Variants in AMTN observed in about 807,000 individuals in gnomAD.
AMTN encodes amelotin.
AMTN carries 29 observed loss-of-function variants against 27.4 expected under a neutral mutation model. The ratio of observed to expected loss-of-function variants is 1.06; its 90% confidence interval spans 0.79 to 1.44. The LOEUF is 1.44. Ranked by LOEUF, AMTN falls within the 40% of genes most tolerant of loss-of-function variation. AMTN has a pLI of 0.00. For missense variants in AMTN, 247 were observed against 248.8 expected (o/e 0.99, Z 0.05); for synonymous variants, 86 against 95.7 (o/e 0.90, Z 0.59).
chr4:70,528,630 A>G (rs1185733209), intron 5 of AMTN, 93 bp from the exon 6 acceptor site: 1 of 1,126,620 alleles, frequency 8.9e-7, no homozygotes, highest in Non-Finnish European at 1.3e-6. Flanking sequence ...AGCCTGGGCA[A>G]CAGAGCAAGA....
chr4:70,531,480 C>T (rs910967150), intron 8 of AMTN, among the ~76,000 whole-genome samples, 180 bp downstream of exon 8: 1 of 152,126 alleles, frequency 6.6e-6, no homozygotes, highest in Non-Finnish European at 1.5e-5. Context: ...CCACCAACCC[C>T]CAGGTATTAA....
chr4:70,528,270 C>T (rs1736140193), intron 5 of AMTN, among the ~76,000 whole-genome samples: 1 of 152,088 alleles, frequency 6.6e-6, no homozygotes, highest in African/African-American at 2.4e-5. Context: ...GTTCCAAACT[C>T]CCATCCAGAT....
chr4:70,525,310 G>A (rs1736078637), intron 5 of AMTN, among the ~76,000 whole-genome samples: 1 of 152,092 alleles, frequency 6.6e-6, no homozygotes. Flanking sequence ...AGACTTTCTT[G>A]GTGACCAAGA....
chr4:70,520,224 GC>G (rs1485772812), intron 2 of AMTN, among the ~76,000 whole-genome samples: 1 of 152,172 alleles, frequency 6.6e-6, no homozygotes, highest in Non-Finnish European at 1.5e-5. Context: ...GACAATGAGA[GC>G]AGCTAGAGAG....
At chr4:70,530,450 C>T (rs1251947381) in intron 7 of AMTN, among the ~76,000 whole-genome samples, 1 of 152,180 alleles carries the variant, frequency 6.6e-6, no homozygotes, top group East Asian at 1.9e-4. Flanking sequence ...TTAAATGTAA[C>T]ACAGTGTTTC....
At chr4:70,524,271 T>C (rs1736046679) in intron 4 of AMTN, among the ~76,000 whole-genome samples, 1 of 152,166 alleles carries the variant, frequency 6.6e-6, no homozygotes, top group African/African-American at 2.4e-5. Flanking sequence ...TCACTGCTAT[T>C]ATCACCCACA....
At position 70,518,665 on chromosome 4, in the gene AMTN, T is replaced by A; in HGVS notation, c.-16+11T>A. ...CTCGTGGACCCAAAGGTAACATTAA[T>A]TGACCATGTTTCAAGTAGAACTTTT... On this transcript the variant is annotated intron_variant, in intron 1 of 8. Transcript: ENST00000339336. 2 of 842,466 alleles carry A rather than the reference T, an allele frequency of 2.4e-6. No individual in the cohort carries two copies. Among genetic ancestry groups the A allele is most frequent in the Non-Finnish European group, 3.9e-6 (2 of 509,116 alleles). The allele number at this position is 842,466 out of a possible 1,614,324, so 52.2% of individuals were successfully genotyped here.
chr4:70,524,344 G>C (rs896400989), intron 4 of AMTN, among the ~76,000 whole-genome samples: 4 of 152,184 alleles, frequency 2.6e-5, no homozygotes, highest in Non-Finnish European at 4.4e-5. Context: ...TATCTGTATA[G>C]ATCTTCAGCC....
rs771519994 is a variant in AMTN, at chr4:70,518,810, A to G, written c.33A>G (p.Leu11=). The change falls in exon 2 of 9, where the codon CTA becomes CTG. Residue 11 remains leucine (L), a synonymous_variant. Coordinates refer to ENST00000339336, the MANE Select transcript of AMTN (RefSeq NM_212557.4). MRSTILLFCL[L]GSTRSLPQLK... Reference sequence around the variant, plus strand: ...GTACGATTCTACTGTTTTGTCTTCTAGGATCAACTCGGTCATTACCAGTAA... The same window carrying G: ...GTACGATTCTACTGTTTTGTCTTCTGGGATCAACTCGGTCATTACCAGTAA... The G allele has an allele frequency of 2.5e-6, 4 of 1,609,966 alleles. No homozygotes were observed. The African/African-American group carries it at 5.3e-5, about 21-fold the overall frequency.
At chr4:70,530,068 G>A (rs1403026769) in intron 7 of AMTN, among the ~76,000 whole-genome samples, 1 of 152,126 alleles carries the variant, frequency 6.6e-6, no homozygotes, top group Admixed American at 6.6e-5. Context: ...AGAAACTGAG[G>A]TTAAAAGTTT....
At chr4:70,526,593 A>T (rs1736103778) in intron 5 of AMTN, among the ~76,000 whole-genome samples, 1 of 152,202 alleles carries the variant, frequency 6.6e-6, no homozygotes, top group Non-Finnish European at 1.5e-5. Flanking sequence ...AGATGCAAAT[A>T]AAAAGAGACT....
chr4:70,521,338 C>T (rs1026495258), intron 2 of AMTN, among the ~76,000 whole-genome samples: 6 of 147,052 alleles, frequency 4.1e-5, no homozygotes. Context: ...CAAGATCACT[C>T]CATTGCACTC....
chr4:70,519,905 A>G (rs1230166072), intron 2 of AMTN, among the ~76,000 whole-genome samples: 1 of 144,280 alleles, frequency 6.9e-6, no homozygotes, highest in Non-Finnish European at 1.5e-5. Flanking sequence ...CCAAATACAT[A>G]CTACATACGT....
At chr4:70,531,610 T>C (rs1736226274) in intron 8 of AMTN, among the ~76,000 whole-genome samples, 1 of 152,076 alleles carries the variant, frequency 6.6e-6, no homozygotes, top group Non-Finnish European at 1.5e-5. Context: ...TCTCCTAGGT[T>C]CAAGCGATTC....
At position 70,524,880 on chromosome 4, in the gene AMTN, T is replaced by C. The variant is rs138093834; in HGVS notation, c.213T>C (p.Pro71=). 5 of 1,614,026 alleles carry C rather than the reference T, an allele frequency of 3.1e-6. No individual in the cohort carries two copies. The African/African-American group carries it at 5.3e-5, about 17-fold the overall frequency. The change falls in exon 5 of 9, where the codon CCT becomes CCC. Residue 71 remains proline, a synonymous_variant. Coordinates refer to ENST00000339336, the MANE Select transcript of AMTN (RefSeq NM_212557.4). ...TLGPDLHLLN[P]AAGMTPGTQT... ...TCTTCCTTGCCCTACAGTTAAATCCTGCTGCAGGAATGACACCTGGTACCC... is the reference window on the plus strand; with the variant it reads ...TCTTCCTTGCCCTACAGTTAAATCCCGCTGCAGGAATGACACCTGGTACCC...
At chr4:70,522,659 T>A in intron 2 of AMTN, 96 bp from the exon 3 acceptor site, 1 of 1,104,152 alleles carries the variant, frequency 9.1e-7, no homozygotes, top group Non-Finnish European at 1.4e-6. Flanking sequence ...GCCTAAAAGA[T>A]AGACATGTTT....
At chr4:70,519,416 G>A (rs1028658556) in intron 2 of AMTN, among the ~76,000 whole-genome samples, 5 of 152,262 alleles carry the variant, frequency 3.3e-5, no homozygotes, top group African/African-American at 1.2e-4. Context: ...AGGGATGAAT[G>A]GTTTGGATCT....
Position 70,529,192 on chromosome 4 carries a change from C to A in AMTN, c.339C>A (p.Ile113=). 1 of 1,554,238 alleles carries A rather than the reference C, an allele frequency of 6.4e-7. No homozygotes were observed. The highest frequency in any genetic ancestry group is 8.6e-7 in the Non-Finnish European group (1 of 1,156,422). Residue 113 remains isoleucine, a synonymous_variant, in exon 7 of 9, where the codon ATC becomes ATA. Coordinates refer to ENST00000339336, the MANE Select transcript of AMTN (RefSeq NM_212557.4). Reference sequence around the variant, plus strand: ...TGTCATTTTGCTTTTAGGGCACTATCCTAAGCTCAGAGGAATTGGTAAAAA... The same window carrying A: ...TGTCATTTTGCTTTTAGGGCACTATACTAAGCTCAGAGGAATTGGTAAAAA... ...FVTQLGAQGT[I]LSSEELPQIF...
Position 70,518,746 on chromosome 4 carries a change from CT to C in AMTN, c.-15-11del. 1 of 1,524,028 alleles carries C rather than the reference CT, an allele frequency of 6.6e-7. No individual in the cohort carries two copies. Among genetic ancestry groups the C allele is most frequent in the Non-Finnish European group, 9.1e-7 (1 of 1,099,022 alleles). 94.4% of individuals were successfully genotyped at this position (1,524,028 alleles called of 1,614,324 possible). ...AAAAAAAATACATGGAAGAGTAACACTTTTTTGTTGTTGTAGGTAGCAATCT... is the reference window on the plus strand; with the variant it reads ...AAAAAAAATACATGGAAGAGTAACACTTTTTGTTGTTGTAGGTAGCAATCT... On this transcript the variant is annotated splice_polypyrimidine_tract_variant and intron_variant, in intron 1 of 8. Transcript: ENST00000339336.
Sources: allele counts gnomAD v4.1 joint callset (sites outside exome capture counted in the v4.1 genomes callset), GRCh38; gene constraint gnomAD v4.1.1; transcripts MANE v1.5; gene names NCBI Gene and HGNC (gene_info 2026-07-23, HGNC 2026-07-21).